RBBP8: variants seen among roughly 807,000 people sequenced by gnomAD.
RBBP8 encodes RB binding protein 8, endonuclease, also known as DNA endonuclease RBBP8.
A neutral mutation model predicts 108.3 loss-of-function variants in RBBP8; 88 were observed. The ratio of observed to expected loss-of-function variants is 0.81; its 90% CI spans 0.68 to 0.97. The LOEUF is 0.97. Ranked by LOEUF, RBBP8 falls within the 50% of genes least tolerant of loss-of-function variation. The pLI, the probability that RBBP8 is intolerant of heterozygous loss-of-function variation, is 0.00. For synonymous variants in RBBP8, 332 were observed against 348.2 expected (o/e 0.95, Z 0.52); for missense variants, 1,023 against 1,049.0 (o/e 0.98, Z 0.34).
At chr18:23,019,741 G>A (rs143705699) in intron 17 of RBBP8, among the ~76,000 whole-genome samples, 1 of 150,242 alleles carries the variant, frequency 6.7e-6, no homozygotes, top group Non-Finnish European at 1.5e-5. Context: ...TAATGCCCTG[G>A]ACCAAGGCAA....
chr18:22,991,089 G>C, intron 10 of RBBP8, 40 bp downstream of exon 10: 1 of 1,346,784 alleles, frequency 7.4e-7, no homozygotes, highest in Non-Finnish European at 1.1e-6. Flanking sequence ...TAAGCTATTG[G>C]TGAGATCCCA....
chr18:22,987,574 C>T (rs1915414550), intron 8 of RBBP8, among the ~76,000 whole-genome samples: 1 of 152,098 alleles, frequency 6.6e-6, no homozygotes. Context: ...CCACCTCAGC[C>T]CCTCAAGAAG....
At chr18:22,928,481 GA>G (rs1909875300), upstream of RBBP8, among the ~76,000 whole-genome samples, 1 of 152,026 alleles carries the variant, frequency 6.6e-6, no homozygotes, top group African/African-American at 2.4e-5. Flanking sequence ...AAATGGGGGT[GA>G]AAGTAATTCC....
chr18:22,914,367 T>C (rs1324884639), intron 1 of RBBP8: 1 of 152,190 alleles, frequency 6.6e-6, no homozygotes, highest in Non-Finnish European at 1.5e-5. Flanking sequence ...AATTAAGAAA[T>C]GATGTTTAAA....
chr18:23,019,874 G>A (rs1192168876), intron 17 of RBBP8, among the ~76,000 whole-genome samples: 2 of 147,968 alleles, frequency 1.4e-5, no homozygotes, highest in African/African-American at 2.5e-5. Flanking sequence ...CCATTCTCCC[G>A]CCTCAGCCTC....
intron 5 of RBBP8, among the ~76,000 whole-genome samples, chr18:22,972,125 G>GT (rs1914142071): frequency 6.7e-6 from 1 of 150,158 alleles, no homozygotes; most frequent in South Asian, 2.1e-4. Context: ...GGAAGCTGAG[G>GT]TGGGTGGATC....
chr18:22,972,416 T>A (rs1347503773), intron 5 of RBBP8, among the ~76,000 whole-genome samples: 1 of 133,248 alleles, frequency 7.5e-6, no homozygotes, highest in Non-Finnish European at 1.6e-5. Flanking sequence ...TGTTTATTTC[T>A]TTTTTTTTTT....
chr18:22,921,913 A>G (rs1909610108), intron 3 of RBBP8, among the ~76,000 whole-genome samples: 1 of 152,192 alleles, frequency 6.6e-6, no homozygotes, highest in Non-Finnish European at 1.5e-5. Context: ...TCACACTAGT[A>G]AAGTTATAGT....
At chr18:23,003,456 A>C (rs1598732657) in intron 15 of RBBP8, among the ~76,000 whole-genome samples, 1 of 152,140 alleles carries the variant, frequency 6.6e-6, no homozygotes, top group Non-Finnish European at 1.5e-5. Context: ...TTAATGTTTA[A>C]CTCTCTGCTT....
intron 15 of RBBP8, chr18:23,004,822 C>T (rs2046011536): frequency 6.6e-6 from 1 of 152,194 alleles, no homozygotes; most frequent in African/African-American, 2.4e-5. Context: ...ATGAATTGCC[C>T]CTGCCCTCCA....
At chr18:22,960,053 A>C (rs2144546930) in intron 4 of RBBP8, among the ~76,000 whole-genome samples, 1 of 150,594 alleles carries the variant, frequency 6.6e-6, no homozygotes, top group Non-Finnish European at 1.5e-5. Context: ...CACCACGCCC[A>C]ACTAACTTTT....
rs75541516 is a variant in RBBP8, at chr18:22,993,428, C to T, written c.1601C>T (p.Ser534Leu). ...ALKTIPKGFS[S>L]SRKASDGNCT... ...AAGACCATTCCAAAGGGCTTTTCCT[C>T]AAGCCGTAAGGCCTCAGATGGCAAC... Residue 534 changes from serine to leucine, a missense_variant, in exon 11 of 19, where the codon TCA (serine) becomes TTA (leucine). By Grantham distance (145) the Ser-to-Leu change is moderately radical. Transcript: ENST00000327155. 5.6e-6 allele frequency: 9 copies of T among 1,611,792 alleles called. No homozygotes were observed. The South Asian group carries it at 6.6e-5, about 12-fold the overall frequency.
chr18:22,963,408 A>G (rs1913285391), intron 4 of RBBP8, among the ~76,000 whole-genome samples: 1 of 152,136 alleles, frequency 6.6e-6, no homozygotes, highest in Non-Finnish European at 1.5e-5. Context: ...TCTGTTGTCC[A>G]TAGTGTTTAT....
At chr18:23,026,118 T>C in intron 18 of RBBP8, 25 bp from the exon 19 acceptor site, 1 of 1,563,822 alleles carries the variant, frequency 6.4e-7, no homozygotes, top group East Asian at 2.2e-5. Flanking sequence ...CATACAGTCT[T>C]CTAAGTTTAT....
Position 22,944,942 on chromosome 18 carries a change from G to A in RBBP8, c.110-1502G>A, listed in dbSNP as rs149878419. Among the ~76,000 whole-genome samples the A allele has an allele frequency of 9.7e-3, 1,480 of 152,244 alleles. 21 individuals are homozygous for A. The highest frequency in any genetic ancestry group is 0.034 in the African/African-American group (1,397 of 41,550). On this transcript the variant is annotated intron_variant, in intron 2 of 18. Coordinates refer to ENST00000327155, the MANE Select transcript of RBBP8 (RefSeq NM_002894.3). ...TCTAAATTATGTTGTCCAAAAGATT[G>A]TATCAAGTTTAACAAATAAAGAAAA...
chr18:22,987,124 A>G (rs1429432615), intron 8 of RBBP8, among the ~76,000 whole-genome samples: 1 of 152,162 alleles, frequency 6.6e-6, no homozygotes, highest in East Asian at 1.9e-4. Flanking sequence ...TTAATAGTCT[A>G]TACTCAATAT....
chr18:22,954,553 C>T (rs1912341858), intron 4 of RBBP8, among the ~76,000 whole-genome samples: 1 of 152,210 alleles, frequency 6.6e-6, no homozygotes, highest in Non-Finnish European at 1.5e-5. Context: ...GCCCCATTCC[C>T]AGCTTCCTTC....
At chr18:23,003,634 G>A (rs907179008) in intron 15 of RBBP8, among the ~76,000 whole-genome samples, 5 of 152,136 alleles carry the variant, frequency 3.3e-5, no homozygotes, top group Admixed American at 1.3e-4. Flanking sequence ...TAGGAGTCAA[G>A]TCCCAAGTTC....
rs984471348 is a variant in RBBP8 at position 22,984,970 on chromosome 18, A to C, written c.689A>C (p.Gln230Pro). 4 of 1,611,644 alleles carry C rather than the reference A, an allele frequency of 2.5e-6. No homozygotes were observed. The African/African-American group carries it at 5.3e-5, about 22-fold the overall frequency. Residue 230 changes from glutamine (Q) to proline (P), a missense_variant, in exon 8 of 19, where the codon CAA (glutamine) becomes CCA (proline). Coordinates refer to ENST00000327155, the MANE Select transcript of RBBP8 (RefSeq NM_002894.3). The stretch of plus-strand genomic sequence containing the variant: ...ATTCTAGTAGCTGACACTTATGACC[A>C]AAGTCAATCTCCAATGGCCAGTAAG... ...NEILVADTYD[Q>P]SQSPMAKAHG...
Sources: allele counts gnomAD v4.1 joint callset (sites outside exome capture counted in the v4.1 genomes callset), GRCh38; gene constraint gnomAD v4.1.1; transcripts MANE v1.5; gene names NCBI Gene and HGNC (gene_info 2026-07-23, HGNC 2026-07-21).